CYREN: variants seen among roughly 807,000 people sequenced by gnomAD.
CYREN encodes cell cycle regulator of non-homologous end joining.
CYREN carries 7 observed loss-of-function variants against 9.7 expected under a neutral mutation model. The ratio of observed to expected loss-of-function variants is 0.72; its 90% CI spans 0.41 to 1.36. The LOEUF (loss-of-function observed/expected upper bound fraction) is 1.36. Ranked by LOEUF, CYREN falls within the 40% of genes most tolerant of loss-of-function variation. The pLI is 0.01. For synonymous variants in CYREN, 76 were observed against 77.9 expected (o/e 0.98, Z 0.13); for missense variants, 215 against 198.1 (o/e 1.09, Z -0.51).
At chr7:135,098,587 G>A (rs1823279767) in intron 2 of CYREN, among the ~76,000 whole-genome samples, 1 of 152,176 alleles carries the variant, frequency 6.6e-6, no homozygotes, top group Non-Finnish European at 1.5e-5. Context: ...CTAACTTGAT[G>A]TCATTGCATT....
At chr7:135,155,999 C>T (rs914371910) in intron 2 of CYREN, among the ~76,000 whole-genome samples, 1 of 151,850 alleles carries the variant, frequency 6.6e-6, no homozygotes, top group African/African-American at 2.4e-5. Context: ...CTTATTCTGG[C>T]AGGATACAAA....
chr7:135,112,913 G>C (rs543763102), intron 2 of CYREN, among the ~76,000 whole-genome samples: 2 of 152,248 alleles, frequency 1.3e-5, no homozygotes, highest in African/African-American at 4.8e-5. Context: ...GAGTAGCTGG[G>C]ATTACAGAAC....
intron 1 of CYREN, 80 bp downstream of exon 1, chr7:135,170,571 CT>C (rs1302513738): frequency 6.6e-6 from 1 of 152,376 alleles, no homozygotes; most frequent in Non-Finnish European, 1.5e-5. Flanking sequence ...AGGTTCCCGT[CT>C]CCGGCTCTCG....
rs1446055222 is a variant in CYREN at position 135,168,533 on chromosome 7, G to A, written c.137+253C>T. The A allele has an allele frequency of 7.8e-6, 4 of 512,914 alleles. No individual in the cohort carries two copies. In the East Asian group the frequency reaches 9.7e-5, roughly 12 times the overall value. 31.8% of individuals were successfully genotyped at this position (512,914 alleles called of 1,614,324 possible). A position where few individuals can be genotyped will look rare whatever the true frequency, so the allele number is the denominator to read the frequency against. ...GGCATCAGAGACTGGCTGACATGGA[G>A]AACCCACTCTGTGTGTGCTGAGGGC... On this transcript the variant is annotated intron_variant, in intron 2 of 3. Coordinates refer to ENST00000393114, the MANE Select transcript of CYREN (RefSeq NM_024033.4).
chr7:135,130,187 C>A (rs1562906886), intron 2 of CYREN, among the ~76,000 whole-genome samples: 1 of 152,170 alleles, frequency 6.6e-6, no homozygotes, highest in Non-Finnish European at 1.5e-5. Context: ...TCTTACCAAC[C>A]TAAATTTCTG....
At chr7:135,158,298 G>A (rs1424064233) in intron 2 of CYREN, among the ~76,000 whole-genome samples, 7 of 152,250 alleles carry the variant, frequency 4.6e-5, no homozygotes, top group Non-Finnish European at 8.8e-5. Flanking sequence ...GCATAGGACA[G>A]CCTGATTTCC....
intron 3 of CYREN, 85 bp downstream of exon 3, chr7:135,167,647 G>A (rs2288238): frequency 0.5 from 795,150 of 1,575,736 alleles, 203,964 homozygotes; most frequent in South Asian, 0.65. Flanking sequence ...GGCAGAGGGC[G>A]TCTCTCTTAC....
chr7:135,115,269 C>G lies in CYREN; in HGVS notation n.357-20687G>C, dbSNP rs549192523. 6.1e-6 allele frequency: 4 copies of G among 652,364 alleles called. No homozygotes were observed. In the East Asian group the frequency reaches 1.1e-4, roughly 18 times the overall value. 40.4% of individuals were successfully genotyped at this position (652,364 alleles called of 1,614,324 possible). ...CTGCCCACTGTCATTAAAGTACAAG[C>G]TTCAGATGGGCAAGGAATTTTAGAT... On this transcript the variant is annotated intron_variant and non_coding_transcript_variant, in intron 2 of 2. Coordinates refer to the CYREN transcript ENST00000459937.
intron 2 of CYREN, among the ~76,000 whole-genome samples, chr7:135,136,993 C>T (rs1284896967): frequency 6.6e-6 from 1 of 152,034 alleles, no homozygotes; most frequent in African/African-American, 2.4e-5. Flanking sequence ...TCTGAGCATG[C>T]CACTCTCTCA....
chr7:135,120,764 A>G (rs186892502), intron 2 of CYREN, among the ~76,000 whole-genome samples: 34 of 152,368 alleles, frequency 2.2e-4, no homozygotes, highest in African/African-American at 7.5e-4. Flanking sequence ...CATCATGCAA[A>G]CATTAATAGA....
chr7:135,158,149 G>T (rs187480773), intron 2 of CYREN, among the ~76,000 whole-genome samples: 48 of 151,654 alleles, frequency 3.2e-4, no homozygotes, highest in African/African-American at 1.1e-3. Context: ...TCTCAAAATG[G>T]CACCTTGGGC....
chr7:135,140,619 G>T (rs776948427), intron 2 of CYREN, among the ~76,000 whole-genome samples: 41 of 151,998 alleles, frequency 2.7e-4, no homozygotes, highest in Non-Finnish European at 4.4e-5. Flanking sequence ...TGGTGCAAGT[G>T]GACATCCTTG....
At chr7:135,098,173 A>G (rs141335921) in intron 2 of CYREN, among the ~76,000 whole-genome samples, 1 of 152,288 alleles carries the variant, frequency 6.6e-6, no homozygotes, top group East Asian at 1.9e-4. Flanking sequence ...CTACAAGTCT[A>G]AATACCTGCC....
chr7:135,166,445 G>T lies in CYREN; in HGVS notation c.*166C>A. On this transcript the variant is annotated 3_prime_UTR_variant, in exon 4 of 4. Transcript: ENST00000393114. ...CAGAACGGCAGCCCCAAGGCCCGGA[G>T]TGTCCAGGGGCTTCTGGCCTGAGGT... The T allele has an allele frequency of 9.0e-7, 1 of 1,108,808 alleles. No individual in the cohort carries two copies. The highest frequency in any genetic ancestry group is 1.2e-6 in the Non-Finnish European group (1 of 805,724). The allele number at this position is 1,108,808 out of a possible 1,614,324, so 68.7% of individuals were successfully genotyped here. A position where few individuals can be genotyped will look rare whatever the true frequency, so the allele number is the denominator to read the frequency against.
At chr7:135,167,589 C>G in intron 3 of CYREN, 143 bp downstream of exon 3, 1 of 1,465,504 alleles carries the variant, frequency 6.8e-7, no homozygotes, top group Non-Finnish European at 9.0e-7. Flanking sequence ...GGCAGCATGG[C>G]CGAGATAAGA....
At chr7:135,166,925 T>C (rs958848300) in intron 3 of CYREN, 54 bp from the exon 4 acceptor site, 1 of 1,584,470 alleles carries the variant, frequency 6.3e-7, no homozygotes. Flanking sequence ...TTCCCTAACA[T>C]GCTGATCTGT....
rs1453517590 is a variant in CYREN at position 135,166,292 on chromosome 7, T to C, written c.*319A>G. ...GTTGGACCACCACATGACATCATTT[T>C]CCCTGGAACCTGGTCACTGACTAAC... is the stretch of plus-strand genomic sequence containing the variant. On this transcript the variant is annotated 3_prime_UTR_variant, in exon 4 of 4. Coordinates refer to ENST00000393114, the MANE Select transcript of CYREN (RefSeq NM_024033.4). 2.3e-5 allele frequency: 6 copies of C among 260,642 alleles called. No homozygotes were observed. Among genetic ancestry groups the C allele is most frequent in the African/African-American group, 1.3e-4 (6 of 45,388 alleles). The allele number at this position is 260,642 out of a possible 1,614,324, so 16.1% of individuals were successfully genotyped here.
chr7:135,165,125 G>A, downstream of CYREN: 1 of 1,248,864 alleles, frequency 8.0e-7, no homozygotes, highest in Non-Finnish European at 1.1e-6. Context: ...CAGAGGAGGT[G>A]GGGCCCCTGT....
At chr7:135,163,569 C>T (rs967421777), downstream of CYREN, among the ~76,000 whole-genome samples, 4 of 152,256 alleles carry the variant, frequency 2.6e-5, no homozygotes, top group Admixed American at 6.5e-5. Context: ...TGCTTGACCC[C>T]GGGAGGCAGA....
Sources: gnomAD v4.1 joint callset for allele counts (sites outside exome capture counted in the v4.1 genomes callset) on GRCh38, gnomAD v4.1.1 for gene constraint, MANE v1.5 for transcripts, NCBI Gene and HGNC (gene_info 2026-07-23, HGNC 2026-07-21) for gene names.